The following PRLR variants were observed in gnomAD, a reference collection of about 807,000 sequenced individuals.
The protein encoded by PRLR is prolactin receptor.
PRLR carries 13 observed loss-of-function variants against 40.2 expected under a neutral mutation model. That is an observed-to-expected ratio of 0.32 (90% confidence interval 0.21 to 0.51). PRLR has a LOEUF of 0.51. Ranked by LOEUF, PRLR falls within the 20% of genes least tolerant of loss-of-function variation. The pLI, the probability that PRLR is intolerant of heterozygous loss-of-function variation, is 0.97. For synonymous variants in PRLR, 269 were observed against 278.7 expected, an observed-to-expected ratio of 0.97 and a Z score of 0.35; for missense variants, 656 against 747.3, an observed-to-expected ratio of 0.88 and a Z score of 1.42.
rs1221159757 is a variant in PRLR at position 35,063,478 on chromosome 5, A to C, written c.*1611T>G. On this transcript the variant is annotated 3_prime_UTR_variant, in exon 10 of 10. Coordinates refer to ENST00000618457, the MANE Select transcript of PRLR (RefSeq NM_000949.7). ...ATGCGCCCTTTAAAATGAGGATCCA[A>C]GCTTTGACTTCTTTCAGGAAGCCTG... 1 of 152,162 alleles carries C rather than the reference A, an allele frequency of 6.6e-6. No individual in the cohort carries two copies. Among genetic ancestry groups the C allele is most frequent in the South Asian group, 2.1e-4 (1 of 4,832 alleles). 9.4% of individuals were successfully genotyped at this position (152,162 alleles called of 1,614,324 possible).
chr5:35,230,299 T>G lies in PRLR; in HGVS notation c.-137A>C, dbSNP rs1210516848. On this transcript the variant is annotated 5_prime_UTR_variant, in exon 1 of 10. Transcript: ENST00000618457. ...CAGGGAGCAAAGTCTGCCACATCAG[T>G]CGATGAGTACTTCCTGCACGAGGAC... 1.3e-5 allele frequency: 2 copies of G among 152,228 alleles called. No individual in the cohort carries two copies. Among genetic ancestry groups the G allele is most frequent in the Non-Finnish European group, 2.9e-5 (2 of 68,060 alleles). The allele number at this position is 152,228 out of a possible 1,614,324, so 9.4% of individuals were successfully genotyped here.
chr5:35,086,284 T>A lies in PRLR; in HGVS notation c.127A>T (p.Thr43Ser). The A allele has an allele frequency of 6.2e-7, 1 of 1,614,078 alleles. No homozygotes were observed. The highest frequency in any genetic ancestry group is 1.3e-5 in the African/African-American group (1 of 75,032). Reference sequence around the variant, plus strand: ...CCAGGCCTCCACCAGCAGGTGAATGTTTCCTTATTGGGAGAACGACATTTA... The same window carrying A: ...CCAGGCCTCCACCAGCAGGTGAATGATTCCTTATTGGGAGAACGACATTTA... Reference protein sequence around the residue: ...IFKCRSPNKETFTCWWRPGTD... With the variant: ...IFKCRSPNKESFTCWWRPGTD... The change falls in exon 4 of 10, where the codon ACA (threonine) becomes TCA (serine). Residue 43 changes from threonine (T) to serine (S), a missense_variant. By Grantham distance (58) the Thr-to-Ser change is moderately conservative. This residue lies in a region of PRLR where 180 missense variants were observed against 236.8 expected (regional missense o/e 0.76). Transcript: ENST00000618457.
At chr5:35,174,068 T>A (rs1341700865) in intron 1 of PRLR, among the ~76,000 whole-genome samples, 1 of 149,618 alleles carries the variant, frequency 6.7e-6, no homozygotes, top group African/African-American at 2.5e-5. Context: ...CACCTATGAG[T>A]GAGAACACTG....
chr5:35,218,416 T>TA (rs1358797566), intron 1 of PRLR, among the ~76,000 whole-genome samples: 3 of 148,328 alleles, frequency 2.0e-5, no homozygotes, highest in African/African-American at 7.9e-5. Flanking sequence ...ATAACTAGTT[T>TA]AAACATATAA....
At chr5:35,077,641 T>C (rs927072197) in intron 5 of PRLR, among the ~76,000 whole-genome samples, 1 of 152,178 alleles carries the variant, frequency 6.6e-6, no homozygotes, top group Non-Finnish European at 1.5e-5. Flanking sequence ...ATTAGACAGA[T>C]CGACGACACA....
At chr5:35,169,066 C>T (rs1021290931) in intron 1 of PRLR, among the ~76,000 whole-genome samples, 13 of 152,024 alleles carry the variant, frequency 8.6e-5, no homozygotes, top group African/African-American at 1.4e-4. Context: ...GCCGTTTTCC[C>T]GCAGTAGCAT....
At chr5:35,113,518 C>T (rs1391840307) in intron 2 of PRLR, among the ~76,000 whole-genome samples, 4 of 145,538 alleles carry the variant, frequency 2.7e-5, no homozygotes. Context: ...TCCACCCATC[C>T]ATTTATCTAT....
downstream of PRLR, among the ~76,000 whole-genome samples, chr5:35,053,871 G>C (rs1768594245): frequency 6.6e-6 from 1 of 152,158 alleles, no homozygotes; most frequent in Non-Finnish European, 1.5e-5. Context: ...GGGTATGGTG[G>C]TGTGAGAATT....
chr5:35,100,683 G>A (rs1176500535), intron 2 of PRLR, among the ~76,000 whole-genome samples: 1 of 152,106 alleles, frequency 6.6e-6, no homozygotes, highest in East Asian at 1.9e-4. Context: ...ATAACCTAAG[G>A]ATGCATTTCT....
chr5:35,219,653 C>T (rs1306952881), intron 1 of PRLR, among the ~76,000 whole-genome samples: 1 of 152,164 alleles, frequency 6.6e-6, no homozygotes, highest in Admixed American at 6.5e-5. Flanking sequence ...TGTGACCTTT[C>T]CAGCACTTAC....
rs1454204446 is a variant in PRLR, at chr5:35,057,086, C to T, written c.*8003G>A. 2.6e-5 allele frequency: 4 copies of T among 152,218 alleles called. No homozygotes were observed. Among genetic ancestry groups the T allele is most frequent in the Admixed American group, 1.3e-4 (2 of 15,288 alleles). 9.4% of individuals were successfully genotyped at this position (152,218 alleles called of 1,614,324 possible). A position where few individuals can be genotyped will look rare whatever the true frequency, so the allele number is the denominator to read the frequency against. The stretch of plus-strand genomic sequence containing the variant: ...AATAACTGTTCAAAAGGATTCCCCA[C>T]TTAAAAAAATGCTTTGGTTCTTCCT... On this transcript the variant is annotated 3_prime_UTR_variant, in exon 10 of 10. Coordinates refer to ENST00000618457, the MANE Select transcript of PRLR (RefSeq NM_000949.7).
chr5:35,132,775 C>A (rs1237332516), intron 1 of PRLR, among the ~76,000 whole-genome samples: 1 of 152,186 alleles, frequency 6.6e-6, no homozygotes, highest in Non-Finnish European at 1.5e-5. Context: ...TCCAGCTCAA[C>A]TTCTCATTTG....
At chr5:35,049,744 G>C (rs977567084) in intron 8 of PRLR, among the ~76,000 whole-genome samples, 9 of 151,964 alleles carry the variant, frequency 5.9e-5, no homozygotes, top group Non-Finnish European at 1.3e-4. Flanking sequence ...TAGCATCCTA[G>C]GACAGAGAAT....
intron 1 of PRLR, among the ~76,000 whole-genome samples, chr5:35,220,477 G>A (rs1047392814): frequency 6.6e-6 from 1 of 152,190 alleles, no homozygotes; most frequent in African/African-American, 2.4e-5. Context: ...GCTATTGAAA[G>A]CAGCCTTCAG....
At chr5:35,079,342 T>C (rs1200714554) in intron 5 of PRLR, among the ~76,000 whole-genome samples, 1 of 152,226 alleles carries the variant, frequency 6.6e-6, no homozygotes, top group African/African-American at 2.4e-5. Flanking sequence ...CTTAAGCTGA[T>C]AAGCAACTTC....
intron 1 of PRLR, among the ~76,000 whole-genome samples, chr5:35,126,158 A>C (rs1382103104): frequency 6.6e-6 from 1 of 152,218 alleles, no homozygotes; most frequent in East Asian, 1.9e-4. Flanking sequence ...GATAATGGGA[A>C]CATCTTAAGC....
chr5:35,121,320 T>G (rs1403484219), intron 1 of PRLR, among the ~76,000 whole-genome samples: 1 of 152,192 alleles, frequency 6.6e-6, no homozygotes. Flanking sequence ...TTCAGCATGG[T>G]ACAGTGCACA....
In PRLR at chr5:35,170,828, G is replaced by C. The variant is rs148067700; in HGVS notation, c.-105-52706C>G. Among the ~76,000 whole-genome samples, 360 of 152,326 alleles carry C rather than the reference G, an allele frequency of 2.4e-3. 2 individuals are homozygous for C. Among genetic ancestry groups the C allele is most frequent in the African/African-American group, 8.2e-3 (343 of 41,578 alleles). ...ATTTAGCACAAGGGTCAGAGCCTGA[G>C]TCTAGTTTATTTAATCAGTTCATTA... On this transcript the variant is annotated intron_variant, in intron 1 of 9. Transcript: ENST00000618457.
intron 1 of PRLR, among the ~76,000 whole-genome samples, chr5:35,226,469 G>T (rs1776550924): frequency 6.6e-6 from 1 of 152,228 alleles, no homozygotes; most frequent in Admixed American, 6.5e-5. Context: ...GCACAGCTTA[G>T]AATAGTACAG....
Sources: allele counts gnomAD v4.1 joint callset (sites outside exome capture counted in the v4.1 genomes callset), GRCh38; gene constraint gnomAD v4.1.1; regional missense constraint gnomAD v4.1.1; transcripts MANE v1.5; gene names NCBI Gene and HGNC (gene_info 2026-07-23, HGNC 2026-07-21).